The following LAPTM5 variants were observed in gnomAD, a reference collection of about 807,000 sequenced individuals.
LAPTM5 encodes the protein lysosomal protein transmembrane 5, also known as lysosomal-associated transmembrane protein 5.
Under a neutral mutation model 30.1 loss-of-function variants are expected in LAPTM5, and 11 were observed. That is an observed-to-expected ratio of 0.37 (90% CI 0.23 to 0.60). The LOEUF (loss-of-function observed/expected upper bound fraction) is 0.60, where lower values mean the gene tolerates loss of function less well. Ranked by LOEUF, LAPTM5 falls within the 20% of genes least tolerant of loss-of-function variation. LAPTM5 has a pLI of 0.71. For synonymous variants in LAPTM5, 151 were observed against 137.9 expected, an observed-to-expected ratio of 1.10 and a Z score of -0.67; for missense variants, 324 against 332.5, an observed-to-expected ratio of 0.97 and a Z score of 0.20.
At chr1:30,752,802 T>C (rs1343972551) in intron 1 of LAPTM5, among the ~76,000 whole-genome samples, 2 of 150,894 alleles carry the variant, frequency 1.3e-5, no homozygotes, top group Non-Finnish European at 2.9e-5. Flanking sequence ...TCAAATACTA[T>C]GATTTGAATG....
At chr1:30,745,943 G>A (rs1245868051) in intron 1 of LAPTM5, 2 of 152,292 alleles carry the variant, frequency 1.3e-5, no homozygotes, top group African/African-American at 4.8e-5. Flanking sequence ...TGGCCCGGCT[G>A]GGGTGTGAAC....
At chr1:30,750,738 G>A (rs1252519365) in intron 1 of LAPTM5, among the ~76,000 whole-genome samples, 1 of 152,220 alleles carries the variant, frequency 6.6e-6, no homozygotes, top group Non-Finnish European at 1.5e-5. Flanking sequence ...ACAGGCTGCA[G>A]AGTCACTTGC....
chr1:30,751,107 A>G (rs935266257), intron 1 of LAPTM5, among the ~76,000 whole-genome samples: 8 of 152,266 alleles, frequency 5.3e-5, no homozygotes, highest in Admixed American at 3.3e-4. Flanking sequence ...TTGGCAACAG[A>G]GAAGTCTCGG....
intron 1 of LAPTM5, among the ~76,000 whole-genome samples, chr1:30,744,341 T>G (rs1640014292): frequency 6.6e-6 from 1 of 152,122 alleles, no homozygotes. Flanking sequence ...GCCCCTCTCC[T>G]CTCAGTTTCA....
chr1:30,749,468 T>C (rs997865588), intron 1 of LAPTM5, among the ~76,000 whole-genome samples: 1 of 152,204 alleles, frequency 6.6e-6, no homozygotes, highest in Admixed American at 6.5e-5. Context: ...TGTGCTTTTC[T>C]ATAGGTAAAT....
At chr1:30,750,654 C>T (rs1253769559) in intron 1 of LAPTM5, among the ~76,000 whole-genome samples, 2 of 152,204 alleles carry the variant, frequency 1.3e-5, no homozygotes, top group African/African-American at 4.8e-5. Context: ...CTCCCCCATC[C>T]CATGGCTGCC....
Position 30,733,859 on chromosome 1 carries a change from C to A in LAPTM5, c.758G>T (p.Gly253Val). 1 of 1,609,656 alleles carries A rather than the reference C, an allele frequency of 6.2e-7. No individual in the cohort carries two copies. The highest frequency in any genetic ancestry group is 8.5e-7 in the Non-Finnish European group (1 of 1,178,942). The change falls in exon 8 of 8, where the codon GGC becomes GTC. Residue 253 changes from glycine (G) to valine (V), a missense_variant. Coordinates refer to ENST00000294507, the MANE Select transcript of LAPTM5 (RefSeq NM_006762.3). ...LSLPSKTPEGGPAPPPYSEV is the reference protein window; with the variant it reads ...LSLPSKTPEGVPAPPPYSEV ...CTCTGAGTATGGGGGTGGTGCTGGG[C>A]CCCCCTCTGGGGTCTTCGATGGCAA...
chr1:30,738,296 T>C (rs1639916890), intron 5 of LAPTM5, among the ~76,000 whole-genome samples: 1 of 152,204 alleles, frequency 6.6e-6, no homozygotes, highest in African/African-American at 2.4e-5. Context: ...CTGCCTTTCC[T>C]CCTTGCTTAT....
rs897665076 is a variant in LAPTM5, at chr1:30,739,425, C to G, written c.388-363G>C. The stretch of plus-strand genomic sequence containing the variant: ...TGGGCGCTCACTGGCATGAATCATC[C>G]TTCTCTTCCTTTCTTCAACTTGGTT... On this transcript the variant is annotated intron_variant, in intron 4 of 7. Transcript: ENST00000294507. The surrounding 1 kb of genome is among the most constrained non-coding windows in gnomAD (Gnocchi z 4.2). 2.6e-5 allele frequency among the ~76,000 whole-genome samples: 4 copies of G among 152,350 alleles called. No individual in the cohort carries two copies. Among genetic ancestry groups the G allele is most frequent in the African/African-American group, 9.6e-5 (4 of 41,570 alleles).
chr1:30,741,837 G>A (rs1237291441), intron 2 of LAPTM5, 121 bp from the exon 3 acceptor site: 6 of 629,914 alleles, frequency 9.5e-6, no homozygotes, highest in Non-Finnish European at 1.4e-5. Context: ...GAAAGCCCAG[G>A]CCCTGCCCTC....
At position 30,733,806 on chromosome 1, in the gene LAPTM5, T is replaced by C. The variant is rs942836563; in HGVS notation, c.*22A>G. The C allele has an allele frequency of 1.1e-5, 17 of 1,597,048 alleles. No individual in the cohort carries two copies. The highest frequency in any genetic ancestry group is 1.4e-5 in the African/African-American group (1 of 73,948). Reference sequence around the variant, plus strand: ...GAGGCAGCTCCACCCCTCCCAGCACTGGGGCTGGGGCCTGGCGAGGGTCAC... The same window carrying C: ...GAGGCAGCTCCACCCCTCCCAGCACCGGGGCTGGGGCCTGGCGAGGGTCAC... On this transcript the variant is annotated 3_prime_UTR_variant, in exon 8 of 8. Transcript: ENST00000294507.
At chr1:30,741,209 G>T (rs1458267667) in intron 3 of LAPTM5, among the ~76,000 whole-genome samples, 1 of 152,300 alleles carries the variant, frequency 6.6e-6, no homozygotes, top group East Asian at 1.9e-4. Flanking sequence ...TCACTGCATG[G>T]ATAGAGCTGC....
In LAPTM5 at chr1:30,746,361, C is replaced by T. The variant is rs1034458841; in HGVS notation, c.88-3812G>A. 2.0e-5 allele frequency: 3 copies of T among 152,524 alleles called. No individual in the cohort carries two copies. Among genetic ancestry groups the T allele is most frequent in the African/African-American group, 4.8e-5 (2 of 41,424 alleles). The allele number at this position is 152,524 out of a possible 1,614,324, so 9.4% of individuals were successfully genotyped here. A position where few individuals can be genotyped will look rare whatever the true frequency, so the allele number is the denominator to read the frequency against. The stretch of plus-strand genomic sequence containing the variant: ...TGCCCCTCAGAAGGCCCTCACTGCC[C>T]CACCCATGTCCCTAACCAACAGCTG... On this transcript the variant is annotated intron_variant, in intron 1 of 7. Coordinates refer to ENST00000294507, the MANE Select transcript of LAPTM5 (RefSeq NM_006762.3). This position sits in a 1 kb window ranked among gnomAD's most constrained non-coding sequence, Gnocchi z 4.0.
chr1:30,740,399 T>TC (rs148522746), intron 3 of LAPTM5, among the ~76,000 whole-genome samples: 3 of 103,192 alleles, frequency 2.9e-5, no homozygotes, highest in African/African-American at 1.2e-4. Flanking sequence ...AGAGAGCCCC[T>TC]CCCCCCCACC....
At position 30,738,967 on chromosome 1, in the gene LAPTM5, A is replaced by G; in HGVS notation, c.483T>C (p.Tyr161=). ...TGTGGTTCATGGACTTGAAGTTGAG[A>G]TAGGTGGGCACTTCCATGTAGGAGC... The part of the protein sequence containing the change: ...LCSSYMEVPT[Y]LNFKSMNHMN... Residue 161 remains tyrosine, a synonymous_variant, in exon 5 of 8, where the codon TAT becomes TAC. Transcript: ENST00000294507. 2 of 1,607,624 alleles carry G rather than the reference A, an allele frequency of 1.2e-6. No homozygotes were observed. The highest frequency in any genetic ancestry group is 1.3e-5 in the African/African-American group (1 of 74,944).
chr1:30,739,935 G>A lies in LAPTM5; in HGVS notation c.261C>T (p.Asn87=), dbSNP rs1388748387. 6.3e-7 allele frequency: 1 copy of A among 1,592,942 alleles called. No homozygotes were observed. The highest frequency in any genetic ancestry group is 8.6e-7 in the Non-Finnish European group (1 of 1,167,938). The change falls in exon 4 of 8, where the codon AAC becomes AAT. Residue 87 remains asparagine, a splice_region_variant and synonymous_variant. Coordinates refer to ENST00000294507, the MANE Select transcript of LAPTM5 (RefSeq NM_006762.3). This position sits in a 1 kb window ranked among gnomAD's most constrained non-coding sequence, Gnocchi z 4.2. ...GGAAGGGCAGCAGGTACTTCTCCCG[G>A]TTCTGAAAGGTAGGCCCAGCACCGT... The part of the protein sequence containing the change: ...SLSLLIGVVK[N]REKYLLPFLS...
rs551358350 is a variant in LAPTM5 at position 30,739,707 on chromosome 1, C to T, written c.387+102G>A. On this transcript the variant is annotated intron_variant, in intron 4 of 7. Coordinates refer to ENST00000294507, the MANE Select transcript of LAPTM5 (RefSeq NM_006762.3). This position sits in a 1 kb window ranked among gnomAD's most constrained non-coding sequence, Gnocchi z 4.2. ...ACACCAGCCAGGAAGAGGGCTCCTA[C>T]CCTCCCCAGCCTGAGCACAGGGCCC... 4 of 1,369,176 alleles carry T rather than the reference C, an allele frequency of 2.9e-6. No homozygotes were observed. The African/African-American group carries it at 5.9e-5, about 20-fold the overall frequency. 84.8% of individuals were successfully genotyped at this position (1,369,176 alleles called of 1,614,324 possible). A position where few individuals can be genotyped will look rare whatever the true frequency, so the allele number is the denominator to read the frequency against.
At chr1:30,749,745 C>G (rs187478515) in intron 1 of LAPTM5, among the ~76,000 whole-genome samples, 51 of 152,228 alleles carry the variant, frequency 3.4e-4, no homozygotes, top group Admixed American at 1.6e-3. Flanking sequence ...AAAAAGTGTT[C>G]CAGGCAGAGG....
intron 1 of LAPTM5, among the ~76,000 whole-genome samples, chr1:30,752,128 C>T (rs1640146479): frequency 1.3e-5 from 2 of 152,282 alleles, no homozygotes; most frequent in African/African-American, 2.4e-5. Context: ...GCCTCCCAGA[C>T]AGACACACCA....
Sources: gnomAD v4.1 joint callset for allele counts (sites outside exome capture counted in the v4.1 genomes callset) on GRCh38, gnomAD v4.1.1 for gene constraint, Gnocchi (gnomAD v3.1) non-coding constraint, MANE v1.5 for transcripts, NCBI Gene and HGNC (gene_info 2026-07-23, HGNC 2026-07-21) for gene names.